Variants in SH3BP4 observed in about 807,000 individuals in gnomAD.
SH3BP4 encodes the protein SH3 domain-binding protein 4.
A neutral mutation model predicts 65.5 loss-of-function variants in SH3BP4; 33 were observed. The ratio of observed to expected loss-of-function variants is 0.50; its 90% CI spans 0.38 to 0.67. The LOEUF (loss-of-function observed/expected upper bound fraction) is 0.67, where lower values mean the gene tolerates loss of function less well. SH3BP4 is among the 30% of genes least tolerant of loss of function. The pLI is 0.00. For missense variants in SH3BP4, 1,134 were observed against 1,261.4 expected, an observed-to-expected ratio of 0.90 and a Z score of 1.53; for synonymous variants, 552 against 545.5, an observed-to-expected ratio of 1.01 and a Z score of -0.17.
At chr2:235,029,547 C>T (rs1406247743) in intron 2 of SH3BP4, among the ~76,000 whole-genome samples, 2 of 152,144 alleles carry the variant, frequency 1.3e-5, no homozygotes, top group Admixed American at 1.3e-4. Flanking sequence ...TAGCCACACC[C>T]ACAAACACAC....
In SH3BP4 at chr2:235,053,896, A is replaced by C; in HGVS notation, c.*80A>C. ...TGCCCTGCTGTCACCGCGGAGCTGA[A>C]GAGGGAGGAAGGGGCGGCTGCTCAG... On this transcript the variant is annotated 3_prime_UTR_variant, in exon 6 of 6. Transcript: ENST00000392011. 3 of 1,160,230 alleles carry C rather than the reference A, an allele frequency of 2.6e-6. No homozygotes were observed. The highest frequency in any genetic ancestry group is 3.8e-6 in the Non-Finnish European group (3 of 782,800). The allele number at this position is 1,160,230 out of a possible 1,614,324, so 71.9% of individuals were successfully genotyped here.
rs1696163910 is a variant in SH3BP4 at position 235,054,429 on chromosome 2, GATTGTCTTCCGTGCTTTGCCT to G, written c.*614_*634del. The G allele has an allele frequency of 6.6e-6, 1 of 152,542 alleles. No homozygotes were observed. Among genetic ancestry groups the G allele is most frequent in the Non-Finnish European group, 1.5e-5 (1 of 68,282 alleles). 9.4% of individuals were successfully genotyped at this position (152,542 alleles called of 1,614,324 possible). On this transcript the variant is annotated 3_prime_UTR_variant, in exon 6 of 6. Coordinates refer to ENST00000392011, the MANE Select transcript of SH3BP4 (RefSeq NM_014521.3). ...CAGGTCCTGCTCCCTCCTCGGATTT[GATTGTCTTCCGTGCTTTGCCT>G]CACTCGTAGTAAATGACCATCCATA...
At chr2:234,984,133 TC>T (rs1693474038) in intron 1 of SH3BP4, among the ~76,000 whole-genome samples, 1 of 152,218 alleles carries the variant, frequency 6.6e-6, no homozygotes. Context: ...GGGTCAGGAA[TC>T]CCTGCTCTGG....
chr2:235,002,402 A>G (rs1694154798), intron 2 of SH3BP4, among the ~76,000 whole-genome samples: 1 of 152,162 alleles, frequency 6.6e-6, no homozygotes, highest in Admixed American at 6.5e-5. Flanking sequence ...CGTTTTACAG[A>G]TGAGGAAACT....
intron 1 of SH3BP4, among the ~76,000 whole-genome samples, chr2:234,969,185 C>T (rs1692913910): frequency 6.6e-6 from 1 of 152,200 alleles, no homozygotes; most frequent in Non-Finnish European, 1.5e-5. Context: ...TTGAAGTTGC[C>T]AGTCTTGTTA....
intron 1 of SH3BP4, among the ~76,000 whole-genome samples, chr2:234,983,789 G>A (rs1559231860): frequency 6.6e-6 from 1 of 152,204 alleles, no homozygotes; most frequent in East Asian, 1.9e-4. Flanking sequence ...GAGGGGCCCT[G>A]AGCCAGGAAT....
chr2:234,986,737 G>T (rs1693570809), intron 1 of SH3BP4, among the ~76,000 whole-genome samples: 1 of 151,994 alleles, frequency 6.6e-6, no homozygotes, highest in South Asian at 2.1e-4. Flanking sequence ...ACCTCATAGG[G>T]TTGTGAAAAG....
In SH3BP4 at chr2:235,004,301, C is replaced by T. The variant is rs140557347; in HGVS notation, c.-133+8925C>T. ...AAGGTGTCATTGCCTGTAGTCGCCT[C>T]GGTGGCACTGGACCTCTTTAGAGTG... On this transcript the variant is annotated intron_variant, in intron 2 of 5. Coordinates refer to ENST00000392011, the MANE Select transcript of SH3BP4 (RefSeq NM_014521.3). 1.6e-4 allele frequency among the ~76,000 whole-genome samples: 25 copies of T among 152,224 alleles called. No individual in the cohort carries two copies. In the East Asian group the frequency reaches 3.7e-3, roughly 22 times the overall value.
chr2:234,996,308 C>A (rs1025102968), intron 2 of SH3BP4, among the ~76,000 whole-genome samples: 3 of 152,204 alleles, frequency 2.0e-5, no homozygotes, highest in Non-Finnish European at 2.9e-5. Context: ...TGCACTGTTT[C>A]AGGTTTTTCT....
chr2:235,045,666 A>G lies in SH3BP4; in HGVS notation c.2478+2419A>G, dbSNP rs1695834578. Among the ~76,000 whole-genome samples, 1 of 149,834 alleles carries G rather than the reference A, an allele frequency of 6.7e-6. No homozygotes were observed. Among genetic ancestry groups the G allele is most frequent in the Non-Finnish European group, 1.5e-5 (1 of 67,568 alleles). The stretch of plus-strand genomic sequence containing the variant: ...CATCTTGGCCAAACTTATAGAAACC[A>G]CAGACGGATTTCTCCCAGGTCGTTT... On this transcript the variant is annotated intron_variant, in intron 4 of 5. Coordinates refer to ENST00000392011, the MANE Select transcript of SH3BP4 (RefSeq NM_014521.3). This position sits in a 1 kb window ranked among gnomAD's most constrained non-coding sequence, Gnocchi z 4.3.
chr2:235,014,384 C>T (rs986794558), intron 2 of SH3BP4, among the ~76,000 whole-genome samples: 6 of 152,114 alleles, frequency 3.9e-5, no homozygotes, highest in Admixed American at 2.0e-4. Context: ...ATGTTGGAGG[C>T]GCTGGGGAAG....
rs1469342870 is a variant in SH3BP4 at position 234,972,130 on chromosome 2, T to TG, written c.-207+19960_-207+19961insG. 7.9e-3 allele frequency among the ~76,000 whole-genome samples: 1,095 copies of TG among 138,894 alleles called. 16 individuals are homozygous for TG. The highest frequency in any genetic ancestry group is 0.034 in the African/African-American group (1,052 of 30,622). 91.1% of individuals were successfully genotyped at this position (138,894 alleles called of 152,430 possible). A position where few individuals can be genotyped will look rare whatever the true frequency, so the allele number is the denominator to read the frequency against. On this transcript the variant is annotated intron_variant, in intron 1 of 5. Coordinates refer to ENST00000392011, the MANE Select transcript of SH3BP4 (RefSeq NM_014521.3). ...GTGCCCGGCCTTTTTTTTTTTTGTT[T>TG]TTTGTTTTTTTTTTGTTTTGAGACA... is the stretch of plus-strand genomic sequence containing the variant.
rs1400331870 is a variant in SH3BP4, at chr2:235,046,469, G to A, written c.2478+3222G>A. 6.6e-6 allele frequency among the ~76,000 whole-genome samples: 1 copy of A among 152,064 alleles called. No individual in the cohort carries two copies. ...CACCTGTAGTCCCAGCTACTTGGGA[G>A]GCTGAGGTGGGAGGATCACTTGAGC... On this transcript the variant is annotated intron_variant, in intron 4 of 5. Transcript: ENST00000392011. The surrounding 1 kb of genome is among the most constrained non-coding windows in gnomAD (Gnocchi z 4.2).
chr2:235,041,549 C>T lies in SH3BP4; in HGVS notation c.780C>T (p.Pro260=), dbSNP rs1695646640. 1 of 1,614,128 alleles carries T rather than the reference C, an allele frequency of 6.2e-7. No homozygotes were observed. The highest frequency in any genetic ancestry group is 1.3e-5 in the African/African-American group (1 of 75,050). ...TCCTCCAAGCCAAGTCCGATGCTCCCACATCGTCGAGTTTCTTCACCGGCT... is the reference window on the plus strand; with the variant it reads ...TCCTCCAAGCCAAGTCCGATGCTCCTACATCGTCGAGTTTCTTCACCGGCT... ...LSVLQAKSDA[P]TSSSFFTGLK... Residue 260 remains proline (P), a synonymous_variant, in exon 4 of 6, where the codon CCC becomes CCT. Transcript: ENST00000392011. This position sits in a 1 kb window ranked among gnomAD's most constrained non-coding sequence, Gnocchi z 6.0.
chr2:234,966,498 G>A (rs1692842358), intron 1 of SH3BP4, among the ~76,000 whole-genome samples: 1 of 152,188 alleles, frequency 6.6e-6, no homozygotes, highest in South Asian at 2.1e-4. Context: ...GGAGTAAATG[G>A]TTTTGTTTCC....
chr2:235,040,666 G>T (rs1216882517), intron 3 of SH3BP4, among the ~76,000 whole-genome samples: 1 of 151,832 alleles, frequency 6.6e-6, no homozygotes, highest in Non-Finnish European at 1.5e-5. Context: ...TGGTCTTTCT[G>T]CCGGACATAG....
In SH3BP4 at chr2:235,042,975, A is replaced by T. The variant is rs1695723945; in HGVS notation, c.2206A>T (p.Ser736Cys). 1 of 1,612,622 alleles carries T rather than the reference A, an allele frequency of 6.2e-7. No individual in the cohort carries two copies. Among genetic ancestry groups the T allele is most frequent in the Non-Finnish European group, 8.5e-7 (1 of 1,179,352 alleles). The change falls in exon 4 of 6, where the codon AGC becomes TGC. Residue 736 changes from serine (S) to cysteine (C), a missense_variant. Ser to Cys is a moderately radical substitution (Grantham distance 112, BLOSUM62 -1). Transcript: ENST00000392011. The surrounding 1 kb of genome is among the most constrained non-coding windows in gnomAD (Gnocchi z 7.3). ...RPSLCSGPEL[S>C]TSVLLEQILR... is the part of the protein sequence containing the mutation. Reference sequence around the variant, plus strand: ...CAGCCTGTGCTCGGGCCCCGAGCTGAGCACCTCGGTGCTGCTGGAGCAGAT... The same window carrying T: ...CAGCCTGTGCTCGGGCCCCGAGCTGTGCACCTCGGTGCTGCTGGAGCAGAT...
intron 2 of SH3BP4, among the ~76,000 whole-genome samples, chr2:235,032,205 C>T (rs1695227647): frequency 6.6e-6 from 1 of 152,186 alleles, no homozygotes; most frequent in African/African-American, 2.4e-5. Flanking sequence ...TGGGAGCACC[C>T]CAGTCCCTGA....
intron 1 of SH3BP4, among the ~76,000 whole-genome samples, chr2:234,966,363 C>T (rs1237030889): frequency 2.0e-5 from 3 of 152,040 alleles, no homozygotes; most frequent in Non-Finnish European, 2.9e-5. Flanking sequence ...GAGCGAAACT[C>T]GGTTTAAAAA....
Sources: gnomAD v4.1 joint callset for allele counts (sites outside exome capture counted in the v4.1 genomes callset) on GRCh38, gnomAD v4.1.1 for gene constraint, Gnocchi (gnomAD v3.1) non-coding constraint, MANE v1.5 for transcripts, NCBI Gene and HGNC (gene_info 2026-07-23, HGNC 2026-07-21) for gene names.